Variants in TENM2 observed in about 807,000 individuals in gnomAD.
TENM2 encodes the protein teneurin-2.
In TENM2, 52 loss-of-function variants were observed where a neutral mutation model predicts 245.2. The ratio of observed to expected loss-of-function variants is 0.21; its 90% confidence interval spans 0.17 to 0.27. TENM2 has a LOEUF of 0.27. Among genes scored for constraint, TENM2 ranks in the 10% least tolerant of loss-of-function variants. The probability of loss-of-function intolerance (pLI) is 1.00; values close to 1 mark genes in which losing one functional copy is unlikely to be tolerated. For missense variants in TENM2, 3,046 were observed against 3,666.8 expected, an observed-to-expected ratio of 0.83 and a Z score of 4.37; for synonymous variants, 1,363 against 1,438.9, an observed-to-expected ratio of 0.95 and a Z score of 1.19.
At chr5:167,369,849 G>C (rs1040877715) in intron 1 of TENM2, among the ~76,000 whole-genome samples, 1 of 152,012 alleles carries the variant, frequency 6.6e-6, no homozygotes, top group Non-Finnish European at 1.5e-5. Context: ...TGTGTATCCT[G>C]GTATTACCAT....
chr5:167,559,904 A>G (rs1284075280), intron 2 of TENM2, among the ~76,000 whole-genome samples: 1 of 152,200 alleles, frequency 6.6e-6, no homozygotes, highest in Non-Finnish European at 1.5e-5. Context: ...TGGTCGACAA[A>G]TGCAGGCACT....
At chr5:168,118,604 G>T in intron 10 of TENM2, 118 bp downstream of exon 12, 1 of 747,824 alleles carries the variant, frequency 1.3e-6, no homozygotes, top group Admixed American at 2.8e-5. Flanking sequence ...TCAACATTTT[G>T]CACAAAACAA....
intron 2 of TENM2, among the ~76,000 whole-genome samples, chr5:167,396,418 A>G (rs111795623): frequency 0.015 from 2,292 of 152,306 alleles, 31 homozygotes; most frequent in Non-Finnish European, 0.025. Context: ...TCAAACTCAT[A>G]AAAGCACAGA....
intron 2 of TENM2, among the ~76,000 whole-genome samples, chr5:167,600,918 T>C (rs772560820): frequency 6.6e-6 from 1 of 152,256 alleles, no homozygotes; most frequent in African/African-American, 2.4e-5. Context: ...TCATTAGTCC[T>C]TAAACATACT....
At chr5:167,162,620 G>T in the TENM2 span, among the ~76,000 whole-genome samples, 1 of 144,730 alleles carries the variant, frequency 6.9e-6, no homozygotes. Flanking sequence ...AAGCAAGACT[G>T]TATCTAAAAA....
Position 168,247,331 on chromosome 5 carries a change from A to G in TENM2, c.6392A>G (p.Lys2131Arg). The stretch of plus-strand genomic sequence containing the variant: ...TCTGGCAAGGTGGAACACTTTGGTA[A>G]GTTTGGAGTCATCTATTATGACATC... The change falls in exon 27 of 29, where the codon AAG becomes AGG. Residue 2131 changes from lysine (K) to arginine (R), a missense_variant. Physicochemically the swap from Lys to Arg is conservative, Grantham distance 26. Coordinates refer to ENST00000518659, the Ensembl canonical transcript of TENM2. The surrounding 1 kb of genome is among the most constrained non-coding windows in gnomAD (Gnocchi z 7.8). 6.2e-7 allele frequency: 1 copy of G among 1,613,964 alleles called. No homozygotes were observed. The highest frequency in any genetic ancestry group is 8.5e-7 in the Non-Finnish European group (1 of 1,179,884).
At chr5:167,121,585 C>G in the TENM2 span, among the ~76,000 whole-genome samples, 1 of 152,198 alleles carries the variant, frequency 6.6e-6, no homozygotes, top group African/African-American at 2.4e-5. Flanking sequence ...TTATGTTTCC[C>G]CATCTCACTG....
At position 167,390,627 on chromosome 5, in the gene TENM2, A is replaced by G. The variant is rs543888520; in HGVS notation, c.502+15154A>G. On this transcript the variant is annotated intron_variant, in intron 2 of 28. Transcript: ENST00000518659. ...AAATAAGCATGTGGAAGCAATTACTATTATAATAAGCATATGGCTCTGCTA... is the reference window on the plus strand; with the variant it reads ...AAATAAGCATGTGGAAGCAATTACTGTTATAATAAGCATATGGCTCTGCTA... 1.0e-3 allele frequency among the ~76,000 whole-genome samples: 156 copies of G among 152,324 alleles called. 1 individual carries two copies. In the South Asian group the frequency reaches 0.032, roughly 31 times the overall value.
chr5:168,255,853 T>G (rs1009388088), intron 27 of TENM2, among the ~76,000 whole-genome samples: 5 of 152,192 alleles, frequency 3.3e-5, no homozygotes, highest in African/African-American at 1.2e-4. Context: ...TCTCCCAGGC[T>G]GGAGTGCAGT....
chr5:167,605,736 G>A (rs1776992435), intron 2 of TENM2, among the ~76,000 whole-genome samples: 1 of 152,156 alleles, frequency 6.6e-6, no homozygotes, highest in Non-Finnish European at 1.5e-5. Context: ...CGTGTACCAG[G>A]TAAATTGATT....
At chr5:166,994,747 A>C in the TENM2 span, among the ~76,000 whole-genome samples, 2 of 152,180 alleles carry the variant, frequency 1.3e-5, no homozygotes, top group African/African-American at 4.8e-5. Context: ...GTAATTCACA[A>C]TTGACGTGTG....
the TENM2 span, among the ~76,000 whole-genome samples, chr5:167,054,931 C>A: frequency 6.6e-6 from 1 of 151,826 alleles, no homozygotes; most frequent in Non-Finnish European, 1.5e-5. Flanking sequence ...AGGATGAGTC[C>A]TTTATCCTAT....
At chr5:167,660,640 T>C (rs1371571468) in intron 2 of TENM2, among the ~76,000 whole-genome samples, 1 of 152,118 alleles carries the variant, frequency 6.6e-6, no homozygotes, top group African/African-American at 2.4e-5. Context: ...TGTCTTTAGC[T>C]TTATTTTTTC....
At chr5:167,889,775 C>T (rs961939132) in intron 3 of TENM2, among the ~76,000 whole-genome samples, 2 of 152,112 alleles carry the variant, frequency 1.3e-5, no homozygotes, top group African/African-American at 4.8e-5. Flanking sequence ...CACCTGTTTA[C>T]GACATTAGGA....
At chr5:167,532,862 T>A (rs1386191206) in intron 2 of TENM2, among the ~76,000 whole-genome samples, 1 of 150,294 alleles carries the variant, frequency 6.7e-6, no homozygotes, top group Non-Finnish European at 1.5e-5. Flanking sequence ...CTGTAAACTG[T>A]ATAATCTAAT....
intron 2 of TENM2, among the ~76,000 whole-genome samples, chr5:167,455,113 T>A (rs1405145538): frequency 1.3e-5 from 2 of 152,246 alleles, no homozygotes; most frequent in African/African-American, 4.8e-5. Context: ...AATTTATCTG[T>A]TCTTCCTGTC....
intron 2 of TENM2, among the ~76,000 whole-genome samples, chr5:167,451,974 G>C (rs1006159232): frequency 2.0e-5 from 3 of 152,068 alleles, no homozygotes; most frequent in African/African-American, 7.2e-5. Context: ...AAAAGGTGGT[G>C]GTGAGTGAAA....
intron 12 of TENM2, among the ~76,000 whole-genome samples, chr5:168,146,484 G>A (rs527901915): frequency 2.6e-5 from 4 of 152,108 alleles, no homozygotes; most frequent in Non-Finnish European, 4.4e-5. Flanking sequence ...TGTCTTTATC[G>A]CCCCTGCCTG....
At chr5:168,200,194 A>G (rs888119997) in intron 17 of TENM2, 63 bp downstream of exon 19, 73 of 1,476,800 alleles carry the variant, frequency 4.9e-5, no homozygotes, top group Non-Finnish European at 6.4e-5. Context: ...TTCGACCCAT[A>G]TTTATTGAGT....
Sources: allele counts gnomAD v4.1 joint callset (sites outside exome capture counted in the v4.1 genomes callset), GRCh38; gene constraint gnomAD v4.1.1; non-coding constraint Gnocchi (gnomAD v3.1); transcripts MANE v1.5; gene names NCBI Gene and HGNC (gene_info 2026-07-23, HGNC 2026-07-21).